The following RELN variants were observed in gnomAD, a reference collection of about 807,000 sequenced individuals.
RELN encodes reelin.
In RELN, 108 loss-of-function variants were observed where a neutral mutation model predicts 427.6. That is an observed-to-expected ratio of 0.25 (90% CI 0.22 to 0.30). RELN has a LOEUF of 0.30. Ranked by LOEUF, RELN falls within the 10% of genes least tolerant of loss-of-function variation. The pLI is 1.00. For synonymous variants in RELN, 1,524 were observed against 1,513.4 expected, an observed-to-expected ratio of 1.01 and a Z score of -0.16; for missense variants, 3,715 against 4,302.8, an observed-to-expected ratio of 0.86 and a Z score of 3.82.
intron 2 of RELN, among the ~76,000 whole-genome samples, chr7:103,873,464 C>T (rs1242434719): frequency 1.9e-5 from 2 of 102,904 alleles, no homozygotes; most frequent in Non-Finnish European, 4.1e-5. Context: ...GCTAGCAAGA[C>T]TAATAAAGAA....
intron 4 of RELN, among the ~76,000 whole-genome samples, chr7:103,756,757 G>GGTTT (rs10683870): frequency 4.9e-5 from 7 of 141,818 alleles, no homozygotes; most frequent in South Asian, 4.4e-4. Flanking sequence ...TAGTTAGGAA[G>GGTTT]GTTTAATATA....
chr7:103,985,614 A>G (rs889927417), intron 1 of RELN, among the ~76,000 whole-genome samples: 1 of 152,146 alleles, frequency 6.6e-6, no homozygotes, highest in African/African-American at 2.4e-5. Context: ...GTGATGCTAA[A>G]CTTACTTTAA....
At chr7:103,746,035 A>T (rs537530793) in intron 6 of RELN, among the ~76,000 whole-genome samples, 180 of 152,256 alleles carry the variant, frequency 1.2e-3, no homozygotes, top group African/African-American at 4.1e-3. Context: ...GGCTACAGTA[A>T]CCAAAACAGC....
At chr7:103,666,641 A>G (rs982413647) in intron 11 of RELN, among the ~76,000 whole-genome samples, 3 of 152,174 alleles carry the variant, frequency 2.0e-5, no homozygotes, top group Non-Finnish European at 4.4e-5. Context: ...TTTGTGTAGA[A>G]GAAATATTTT....
At position 103,873,011 on chromosome 7, in the gene RELN, G is replaced by C. The variant is rs972525920; in HGVS notation, c.338-39339C>G. Among the ~76,000 whole-genome samples the C allele has an allele frequency of 6.2e-4, 94 of 152,020 alleles. 1 individual carries two copies. The highest frequency in any genetic ancestry group is 2.1e-4 in the South Asian group (1 of 4,806). ...GAGAAAATTAACAAACTATCTCTCA[G>C]ACCACAGTGCAATCAAACTAGAACT... On this transcript the variant is annotated intron_variant, in intron 2 of 64. Coordinates refer to ENST00000428762, the MANE Select transcript of RELN (RefSeq NM_005045.4).
chr7:103,906,227 G>A (rs1187507125), intron 2 of RELN, among the ~76,000 whole-genome samples: 1 of 152,066 alleles, frequency 6.6e-6, no homozygotes, highest in Non-Finnish European at 1.5e-5. Flanking sequence ...TGCAAAGGGA[G>A]TTTAATGACA....
chr7:103,683,668 T>C lies in RELN; in HGVS notation c.1144-1407A>G, dbSNP rs892908263. 2.6e-5 allele frequency among the ~76,000 whole-genome samples: 4 copies of C among 152,176 alleles called. 1 individual carries two copies. Among genetic ancestry groups the C allele is most frequent in the African/African-American group, 9.6e-5 (4 of 41,452 alleles). ...CCTATAAAAGTATAGCATATAAAAT[T>C]ATGTATGGTACATAATATTTGAAAA... On this transcript the variant is annotated intron_variant, in intron 10 of 64. Transcript: ENST00000428762.
intron 3 of RELN, among the ~76,000 whole-genome samples, chr7:103,810,179 T>C (rs1001710779): frequency 8.5e-5 from 13 of 152,204 alleles, no homozygotes; most frequent in African/African-American, 3.1e-4. Flanking sequence ...TACTCCCTAA[T>C]ACTTGTACAT....
chr7:103,630,846 T>A (rs1238362984), intron 19 of RELN, among the ~76,000 whole-genome samples: 3 of 69,032 alleles, frequency 4.3e-5, no homozygotes, highest in Non-Finnish European at 8.2e-5. Context: ...CTGAGTTATT[T>A]TTTTGTTTTT....
At chr7:103,969,797 ATATAT>A (rs913152871) in intron 1 of RELN, among the ~76,000 whole-genome samples, 2 of 152,338 alleles carry the variant, frequency 1.3e-5, no homozygotes, top group Middle Eastern at 3.4e-3. Flanking sequence ...TGGACCAAAC[ATATAT>A]TATATCTCAT....
At chr7:103,520,957 ATTTTTTTTTTTTTTTTT>A (rs55830035) in intron 48 of RELN, among the ~76,000 whole-genome samples, 2 of 79,186 alleles carry the variant, frequency 2.5e-5, no homozygotes, top group Admixed American at 1.8e-4. Flanking sequence ...TAAATTTGTT[ATTTTTTTTTTTTTTTTT>A]TTTTTTTTTT....
At chr7:103,889,196 T>C (rs1017801672) in intron 2 of RELN, among the ~76,000 whole-genome samples, 4 of 152,220 alleles carry the variant, frequency 2.6e-5, no homozygotes, top group African/African-American at 7.2e-5. Context: ...CTTTAGAACA[T>C]GAAAACAATC....
intron 1 of RELN, among the ~76,000 whole-genome samples, chr7:103,951,680 T>G (rs2116764850): frequency 6.6e-6 from 1 of 152,036 alleles, no homozygotes; most frequent in Admixed American, 6.5e-5. Flanking sequence ...GCTAGCCTTT[T>G]TTTTTTTTAA....
chr7:103,522,084 C>G lies in RELN; in HGVS notation c.7606G>C (p.Gly2536Arg), dbSNP rs1057517814. ...CCACACACTGTACTCAATTTCCCTC[C>G]GTTCACAGTCAGCCAGTTCTGACTG... Reference protein sequence around the residue: ...PSSQNWLTVNGGKLSTVCGAV... With the variant: ...PSSQNWLTVNRGKLSTVCGAV... Residue 2536 changes from glycine to arginine, a missense_variant, in exon 48 of 65, where the codon GGA becomes CGA. Transcript: ENST00000428762. 1 of 1,614,058 alleles carries G rather than the reference C, an allele frequency of 6.2e-7. No homozygotes were observed. The highest frequency in any genetic ancestry group is 1.7e-5 in the Admixed American group (1 of 60,002).
chr7:103,575,789 AAC>A, intron 28 of RELN, 84 bp from the exon 29 acceptor site: 2 of 1,433,980 alleles, frequency 1.4e-6, no homozygotes, highest in East Asian at 2.3e-5. Context: ...AGAAAAACTC[AAC>A]AGAGACTTAA....
chr7:103,560,215 C>T (rs1020013454), intron 36 of RELN, among the ~76,000 whole-genome samples: 1 of 152,232 alleles, frequency 6.6e-6, no homozygotes, highest in South Asian at 2.1e-4. Context: ...AATTCTTTTG[C>T]AACAAACAAG....
intron 13 of RELN, among the ~76,000 whole-genome samples, chr7:103,653,485 AG>A (rs1209632207): frequency 6.6e-6 from 1 of 152,086 alleles, no homozygotes; most frequent in African/African-American, 2.4e-5. Context: ...ATCAGTGCAA[AG>A]AAAAGACTAA....
At chr7:103,645,076 G>T (rs954353580) in intron 16 of RELN, among the ~76,000 whole-genome samples, 3 of 151,700 alleles carry the variant, frequency 2.0e-5, no homozygotes, top group Non-Finnish European at 4.4e-5. Flanking sequence ...GCAAGCAAAT[G>T]CTAAGGGAAT....
At chr7:103,792,442 T>A (rs1792187826) in intron 3 of RELN, among the ~76,000 whole-genome samples, 2 of 151,910 alleles carry the variant, frequency 1.3e-5, no homozygotes, top group South Asian at 2.1e-4. Flanking sequence ...CTTGAAAATA[T>A]GCAAAGTGAA....
Sources: allele counts gnomAD v4.1 joint callset (sites outside exome capture counted in the v4.1 genomes callset), GRCh38; gene constraint gnomAD v4.1.1; transcripts MANE v1.5; gene names NCBI Gene and HGNC (gene_info 2026-07-23, HGNC 2026-07-21).